Variants in CPS1 observed in about 807,000 individuals in gnomAD.
CPS1 encodes carbamoyl-phosphate synthase 1.
CPS1 carries 109 observed loss-of-function variants against 174.6 expected under a neutral mutation model. The observed-to-expected ratio is 0.62, with a 90% CI of 0.53 to 0.73. The LOEUF (loss-of-function observed/expected upper bound fraction) is 0.73, where lower values mean the gene tolerates loss of function less well. Among genes scored for constraint, CPS1 ranks in the 30% least tolerant of loss-of-function variants. The pLI is 0.00. For synonymous variants in CPS1, 637 were observed against 632.0 expected (o/e 1.01, Z -0.12); for missense variants, 1,689 against 1,821.9 (o/e 0.93, Z 1.33).
intron 1 of CPS1, among the ~76,000 whole-genome samples, chr2:210,517,330 A>G (rs1695708858): frequency 6.6e-6 from 1 of 152,012 alleles, no homozygotes; most frequent in Non-Finnish European, 1.5e-5. Context: ...GAGAGCTAGC[A>G]CAGGCATAGG....
chr2:210,542,647 C>T (rs1310020044), intron 1 of CPS1, among the ~76,000 whole-genome samples: 1 of 151,900 alleles, frequency 6.6e-6, no homozygotes, highest in East Asian at 1.9e-4. Context: ...TTCTCTCATG[C>T]AAATTTTTCT....
At chr2:210,492,099 A>G (rs1200208818) in intron 1 of CPS1, among the ~76,000 whole-genome samples, 2 of 152,256 alleles carry the variant, frequency 1.3e-5, no homozygotes, top group Non-Finnish European at 1.5e-5. Context: ...GACAAGAGTT[A>G]GACTTCACTA....
intron 16 of CPS1, among the ~76,000 whole-genome samples, 167 bp downstream of exon 16, chr2:210,602,497 A>C (rs975554126): frequency 1.3e-5 from 2 of 151,978 alleles, no homozygotes; most frequent in Non-Finnish European, 2.9e-5. Context: ...GAGAGCATGC[A>C]GTGCAACTCT....
chr2:210,523,486 C>A (rs1198712873), intron 1 of CPS1, among the ~76,000 whole-genome samples: 1 of 151,910 alleles, frequency 6.6e-6, no homozygotes, highest in Non-Finnish European at 1.5e-5. Context: ...TCCTCTCTCA[C>A]CTCCTTCCTA....
At chr2:210,557,104 G>A (rs1696937010) in intron 1 of CPS1, among the ~76,000 whole-genome samples, 2 of 151,978 alleles carry the variant, frequency 1.3e-5, no homozygotes, top group Non-Finnish European at 1.5e-5. Context: ...CATGTAAAAT[G>A]TAAGTACACT....
intron 1 of CPS1, among the ~76,000 whole-genome samples, chr2:210,566,030 A>C (rs566611319): frequency 5.7e-4 from 87 of 152,236 alleles, no homozygotes; most frequent in African/African-American, 1.9e-3. Context: ...GCTGCCCACC[A>C]GACTTTCCTG....
At chr2:210,595,642 T>C in intron 13 of CPS1, 60 bp downstream of exon 13, 1 of 1,155,666 alleles carries the variant, frequency 8.7e-7, no homozygotes, top group Non-Finnish European at 1.3e-6. Flanking sequence ...CTAATTAGTA[T>C]TTTATAATTT....
At chr2:210,542,396 T>C (rs530058169) in intron 1 of CPS1, among the ~76,000 whole-genome samples, 1 of 152,246 alleles carries the variant, frequency 6.6e-6, no homozygotes, top group African/African-American at 2.4e-5. Context: ...CAACCTTCAA[T>C]TGAAAAGTCT....
chr2:210,638,840 T>C (rs1700119061), intron 22 of CPS1, among the ~76,000 whole-genome samples: 1 of 152,170 alleles, frequency 6.6e-6, no homozygotes, highest in Non-Finnish European at 1.5e-5. Flanking sequence ...CAGCTGCTTT[T>C]AGAGAGCTGG....
intron 28 of CPS1, among the ~76,000 whole-genome samples, chr2:210,651,782 C>T (rs1700566924): frequency 6.6e-6 from 1 of 152,106 alleles, no homozygotes; most frequent in South Asian, 2.1e-4. Context: ...TTCAATGACT[C>T]TAGAGTAAAA....
At chr2:210,670,311 A>G (rs1158308904) in intron 34 of CPS1, among the ~76,000 whole-genome samples, 1 of 152,132 alleles carries the variant, frequency 6.6e-6, no homozygotes, top group African/African-American at 2.4e-5. Context: ...TTTCTTCATT[A>G]CTATATGTAG....
intron 1 of CPS1, among the ~76,000 whole-genome samples, chr2:210,517,373 T>C (rs1225148684): frequency 2.0e-5 from 3 of 152,014 alleles, no homozygotes; most frequent in Non-Finnish European, 1.5e-5. Context: ...TGACTTATTG[T>C]AAAGTAAAGG....
rs1574627650 is a variant in CPS1, at chr2:210,639,007, T to G, written c.2830-143T>G. On this transcript the variant is annotated intron_variant, in intron 22 of 37. Transcript: ENST00000233072. ...TCTTATTTTCAGAATTAGAAAGCAA[T>G]TCCACGGGTCATACATTTTCCTGTT... 6.0e-6 allele frequency: 4 copies of G among 668,514 alleles called. No homozygotes were observed. The East Asian group carries it at 1.1e-4, about 19-fold the overall frequency. The allele number at this position is 668,514 out of a possible 1,614,324, so 41.4% of individuals were successfully genotyped here.
chr2:210,668,280 T>C lies in CPS1; in HGVS notation c.4097T>C (p.Ile1366Thr), dbSNP rs1449017394. The C allele has an allele frequency of 3.1e-6, 5 of 1,610,778 alleles. No homozygotes were observed. ...CCCCAGAAAGGCATCCTGATAGGCATCCAGGTAAGTGGTTTGTGGCTGTGT... is the reference window on the plus strand; with the variant it reads ...CCCCAGAAAGGCATCCTGATAGGCACCCAGGTAAGTGGTTTGTGGCTGTGT... Reference protein sequence around the residue: ...KIPQKGILIGIQQSFRPRFLG... With the variant: ...KIPQKGILIGTQQSFRPRFLG... The change falls in exon 34 of 38, where the codon ATC (isoleucine) becomes ACC (threonine). Residue 1366 changes from isoleucine (I) to threonine (T), a missense_variant. Coordinates refer to ENST00000233072, the MANE Select transcript of CPS1 (RefSeq NM_001875.5).
chr2:210,554,939 C>T (rs1371492088), upstream of CPS1, among the ~76,000 whole-genome samples: 15 of 151,666 alleles, frequency 9.9e-5, 1 homozygote, highest in Admixed American at 8.6e-4. Flanking sequence ...CTTCTCAGTC[C>T]TCAGTTCTCT....
At chr2:210,528,848 C>T (rs1475066112) in intron 1 of CPS1, among the ~76,000 whole-genome samples, 23 of 133,958 alleles carry the variant, frequency 1.7e-4, no homozygotes, top group African/African-American at 6.1e-4. Flanking sequence ...GTAGCTTCCT[C>T]GGAAAATTTG....
In CPS1 at chr2:210,512,879, G is replaced by GAGAGAGAT. The variant is rs1553502814; in HGVS notation, c.3+35114_3+35115insGAGAGATA. 4.3e-5 allele frequency among the ~76,000 whole-genome samples: 3 copies of GAGAGAGAT among 70,360 alleles called. 1 individual carries two copies. The highest frequency in any genetic ancestry group is 1.4e-4 in the African/African-American group (2 of 14,188). The allele number at this position is 70,360 out of a possible 152,430, so 46.2% of individuals were successfully genotyped here. A position where few individuals can be genotyped will look rare whatever the true frequency, so the allele number is the denominator to read the frequency against. ...ATATATATAGATATATATATATAGA[G>GAGAGAGAT]ATATATATATGGAGATATATATATA... is the stretch of plus-strand genomic sequence containing the variant. On this transcript the variant is annotated intron_variant, in intron 1 of 38. Coordinates refer to the CPS1 transcript ENST00000430249.
chr2:210,541,979 T>G (rs186927376), intron 1 of CPS1, among the ~76,000 whole-genome samples: 28 of 152,238 alleles, frequency 1.8e-4, no homozygotes, highest in African/African-American at 6.7e-4. Context: ...TACCAGAAAC[T>G]GTGCCACCTT....
intron 1 of CPS1, among the ~76,000 whole-genome samples, chr2:210,483,037 A>C (rs1231943564): frequency 6.6e-6 from 1 of 152,214 alleles, no homozygotes; most frequent in Non-Finnish European, 1.5e-5. Flanking sequence ...ACTAGTCAAG[A>C]TAAGTCTTTT....
Sources: gnomAD v4.1 joint callset for allele counts (sites outside exome capture counted in the v4.1 genomes callset) on GRCh38, gnomAD v4.1.1 for gene constraint, MANE v1.5 for transcripts, NCBI Gene and HGNC (gene_info 2026-07-23, HGNC 2026-07-21) for gene names.